Variants in TECPR2 observed in about 807,000 individuals in gnomAD.
The protein encoded by TECPR2 is tectonin beta-propeller repeat-containing protein 2.
TECPR2 carries 65 observed loss-of-function variants against 138.1 expected under a neutral mutation model. The observed-to-expected ratio is 0.47, with a 90% CI of 0.39 to 0.58. TECPR2 has a LOEUF of 0.58. Among genes scored for constraint, TECPR2 ranks in the 20% least tolerant of loss-of-function variants. The pLI is 0.00. For missense variants in TECPR2, 1,553 were observed against 1,824.5 expected (o/e 0.85, Z 2.71); for synonymous variants, 746 against 749.8 (o/e 0.99, Z 0.08).
chr14:102,418,041 A>G (rs532233445), intron 5 of TECPR2, among the ~76,000 whole-genome samples: 18 of 152,246 alleles, frequency 1.2e-4, no homozygotes, highest in African/African-American at 4.1e-4. Context: ...AGGTCAGGAC[A>G]TCAGGACCTC....
At chr14:102,451,804 A>G (rs1030770153) in intron 15 of TECPR2, among the ~76,000 whole-genome samples, 8 of 152,212 alleles carry the variant, frequency 5.3e-5, no homozygotes, top group African/African-American at 1.9e-4. Context: ...TTAAACCTAA[A>G]GGACTTTTTT....
chr14:102,399,645 A>G (rs754194800), intron 2 of TECPR2, among the ~76,000 whole-genome samples: 3 of 152,154 alleles, frequency 2.0e-5, no homozygotes, highest in Non-Finnish European at 4.4e-5. Flanking sequence ...CTTGGCCAAC[A>G]TGGTGAAACC....
intron 17 of TECPR2, among the ~76,000 whole-genome samples, chr14:102,477,407 C>G (rs1203001434): frequency 6.6e-6 from 1 of 151,794 alleles, no homozygotes; most frequent in Non-Finnish European, 1.5e-5. Context: ...TAACACAGAT[C>G]AGTGCTTACT....
rs72700618 is a variant in TECPR2, at chr14:102,449,828, C to G, written c.3275C>G (p.Ser1092Trp). The G allele has an allele frequency of 2.9e-5, 47 of 1,613,944 alleles. No individual in the cohort carries two copies. Among genetic ancestry groups the G allele is most frequent in the Non-Finnish European group, 3.6e-5 (43 of 1,180,032 alleles). ...GVNNSGVWIS[S>W]GKNEFHVAKG... Reference sequence around the variant, plus strand: ...AATAACAGCGGTGTCTGGATCTCCTCGGGCAAGAATGAATTCCACGTCGCT... The same window carrying G: ...AATAACAGCGGTGTCTGGATCTCCTGGGGCAAGAATGAATTCCACGTCGCT... Residue 1092 changes from serine (S) to tryptophan (W), a missense_variant, in exon 14 of 20, where the codon TCG becomes TGG. Ser to Trp is a radical substitution (Grantham distance 177). Coordinates refer to ENST00000359520, the MANE Select transcript of TECPR2 (RefSeq NM_014844.5).
rs894684418 is a variant in TECPR2 at position 102,419,029 on chromosome 14, G to A, written c.638+4236G>A. ...AGTGGAGAGCTGGCGTGGGAGGCGG[G>A]TGGCGGGTGTACCTCTCGGGGAGCT... On this transcript the variant is annotated intron_variant, in intron 5 of 19. Transcript: ENST00000359520. The surrounding 1 kb of genome is among the most constrained non-coding windows in gnomAD (Gnocchi z 4.8). 6.6e-6 allele frequency among the ~76,000 whole-genome samples: 1 copy of A among 152,122 alleles called. No individual in the cohort carries two copies. Among genetic ancestry groups the A allele is most frequent in the Non-Finnish European group, 1.5e-5 (1 of 68,020 alleles).
chr14:102,422,111 C>A (rs1358344703), intron 5 of TECPR2, among the ~76,000 whole-genome samples: 1 of 152,136 alleles, frequency 6.6e-6, no homozygotes, highest in Non-Finnish European at 1.5e-5. Flanking sequence ...AGCGATTACC[C>A]CACAGCCCAC....
chr14:102,412,341 C>T (rs1888901698), intron 4 of TECPR2, among the ~76,000 whole-genome samples: 2 of 152,112 alleles, frequency 1.3e-5, no homozygotes, highest in South Asian at 2.1e-4. Context: ...CCATGTTGCA[C>T]AGGCTGGTCT....
chr14:102,451,032 C>A (rs921726965), intron 15 of TECPR2, among the ~76,000 whole-genome samples: 1 of 152,210 alleles, frequency 6.6e-6, no homozygotes, highest in Non-Finnish European at 1.5e-5. Flanking sequence ...AACTTCCTTC[C>A]GTCTTGTTCA....
chr14:102,446,047 T>G, intron 13 of TECPR2, 100 bp downstream of exon 13: 1 of 1,319,076 alleles, frequency 7.6e-7, no homozygotes, highest in South Asian at 1.6e-5. Context: ...AGATTAAATT[T>G]AAAATACTCA....
At chr14:102,435,328 C>T (rs1026631742) in intron 9 of TECPR2, 117 bp downstream of exon 9, 13 of 1,397,016 alleles carry the variant, frequency 9.3e-6, no homozygotes, top group South Asian at 4.3e-5. Flanking sequence ...CTGCAAAATC[C>T]GTAGGCCAAC....
chr14:102,377,181 C>T (rs1260059776), intron 2 of TECPR2, among the ~76,000 whole-genome samples: 1 of 152,168 alleles, frequency 6.6e-6, no homozygotes, highest in Non-Finnish European at 1.5e-5. Flanking sequence ...TTTGAGACAG[C>T]GTCTCGCTCT....
intron 13 of TECPR2, among the ~76,000 whole-genome samples, chr14:102,449,037 A>C (rs1890067326): frequency 2.0e-5 from 3 of 152,210 alleles, no homozygotes; most frequent in Admixed American, 2.0e-4. Context: ...CAAGGCAGGG[A>C]GATCACTTGA....
At chr14:102,400,261 G>C (rs903566038) in intron 2 of TECPR2, among the ~76,000 whole-genome samples, 3 of 152,048 alleles carry the variant, frequency 2.0e-5, no homozygotes, top group African/African-American at 7.2e-5. Context: ...GGCCGGGCTG[G>C]TGTTAAACTC....
At chr14:102,401,450 A>C (rs57214697) in intron 2 of TECPR2, among the ~76,000 whole-genome samples, 4,309 of 151,154 alleles carry the variant, frequency 0.029, 190 homozygotes, top group African/African-American at 0.093. Flanking sequence ...AAAAAAAAAA[A>C]AAAAAACAAA....
chr14:102,408,402 G>T, intron 3 of TECPR2, 86 bp from the exon 4 acceptor site: 1 of 1,431,656 alleles, frequency 7.0e-7, no homozygotes, highest in Admixed American at 2.4e-5. Context: ...CTAACTAGGA[G>T]TGATTGTATA....
chr14:102,428,506 A>G, intron 7 of TECPR2, 124 bp downstream of exon 7: 1 of 1,444,246 alleles, frequency 6.9e-7, no homozygotes, highest in Non-Finnish European at 9.4e-7. Flanking sequence ...CACGCCTGTA[A>G]TCCCAGCACT....
intron 17 of TECPR2, among the ~76,000 whole-genome samples, chr14:102,495,257 T>TG (rs979150059): frequency 6.6e-6 from 1 of 151,156 alleles, no homozygotes; most frequent in Middle Eastern, 3.2e-3. Context: ...CAGAATCAGG[T>TG]GGGGGCAGGA....
intron 2 of TECPR2, 34 bp from the exon 3 acceptor site, chr14:102,407,304 G>A: frequency 6.4e-7 from 1 of 1,566,904 alleles, no homozygotes. Flanking sequence ...AGCCTGCATA[G>A]TTACAGATTC....
intron 1 of TECPR2, among the ~76,000 whole-genome samples, chr14:102,376,360 C>T (rs1422430548): frequency 6.6e-6 from 1 of 152,154 alleles, no homozygotes; most frequent in Non-Finnish European, 1.5e-5. Flanking sequence ...CATCTGCCTC[C>T]CTGTCTAGAT....
Sources: allele counts gnomAD v4.1 joint callset (sites outside exome capture counted in the v4.1 genomes callset), GRCh38; gene constraint gnomAD v4.1.1; non-coding constraint Gnocchi (gnomAD v3.1); transcripts MANE v1.5; gene names NCBI Gene and HGNC (gene_info 2026-07-23, HGNC 2026-07-21).